The following DGAT2L6 variants were observed in gnomAD, a reference collection of about 807,000 sequenced individuals.
DGAT2L6 encodes diacylglycerol O-acyltransferase 2-like protein 6.
DGAT2L6 carries 22 observed loss-of-function variants against 25.5 expected under a neutral mutation model. That is an observed-to-expected ratio of 0.86 (90% CI 0.62 to 1.23). The LOEUF is 1.23. Among genes scored for constraint, DGAT2L6 ranks in the 50% most tolerant of loss-of-function variants. DGAT2L6 has a pLI of 0.00. For missense variants in DGAT2L6, 287 were observed against 253.2 expected (o/e 1.13, Z -0.91); for synonymous variants, 100 against 94.7 (o/e 1.06, Z -0.32).
At chrX:70,182,469 CTT>C (rs1171530335) in intron 1 of DGAT2L6, among the ~76,000 whole-genome samples, 2 of 49,143 alleles carry the variant, frequency 4.1e-5, no homozygotes, top group African/African-American at 1.0e-4. Context: ...TCAAAAGCAT[CTT>C]TTTTTTTTTT....
chrX:70,179,112 G>A (rs2085335412), intron 1 of DGAT2L6, among the ~76,000 whole-genome samples: 1 of 111,953 alleles, frequency 8.9e-6, no homozygotes, highest in African/African-American at 3.2e-5. Context: ...ATTATTCAGA[G>A]AAAGGGTCCA....
At chrX:70,201,612 G>A (rs1312259473) in intron 4 of DGAT2L6, among the ~76,000 whole-genome samples, 1 of 110,545 alleles carries the variant, frequency 9.0e-6, no homozygotes, top group Non-Finnish European at 1.9e-5. Flanking sequence ...AGATACTATT[G>A]ATCTGAAATG....
intron 6 of DGAT2L6, 70 bp downstream of exon 6, chrX:70,204,586 A>G: frequency 8.9e-7 from 1 of 1,129,638 alleles, no homozygotes; most frequent in East Asian, 3.0e-5. Flanking sequence ...ATCATCCATC[A>G]AGTCCAGGGG....
At position 70,199,356 on chromosome X, in the gene DGAT2L6, C is replaced by T. The variant is rs143519268; in HGVS notation, c.171C>T (p.Thr57=). Residue 57 remains threonine (T), a synonymous_variant, in exon 2 of 7, where the codon ACC becomes ACT. Transcript: ENST00000333026. ...PLAVLSLAWL[T]YDWNTHSQGG... ...CTGTGCTCTCCTTAGCCTGGCTCAC[C>T]TATGATTGGAACACCCACAGTCAAG... The T allele has an allele frequency of 9.0e-5, 107 of 1,187,557 alleles. No homozygotes were observed. Among genetic ancestry groups the T allele is most frequent in the Non-Finnish European group, 1.2e-5 (11 of 882,244 alleles).
Position 70,205,059 on chromosome X carries a change from A to G in DGAT2L6, c.967A>G (p.Lys323Glu), listed in dbSNP as rs1343721692. ...CCTGCGCAAGCTCTTTGACCAACAC[A>G]AAGTTGAATATGGCCTCCCTGAGAC... Reference protein sequence around the residue: ...SALRKLFDQHKVEYGLPETQE... With the variant: ...SALRKLFDQHEVEYGLPETQE... Residue 323 changes from lysine to glutamate, a missense_variant, in exon 7 of 7, where the codon AAA becomes GAA. Physicochemically the swap from Lys to Glu is moderately conservative, Grantham distance 56 (BLOSUM62 1). Transcript: ENST00000333026. 8.3e-7 allele frequency: 1 copy of G among 1,204,350 alleles called. No homozygotes were observed. Among genetic ancestry groups the G allele is most frequent in the South Asian group, 1.8e-5 (1 of 54,480 alleles).
chrX:70,179,467 A>G (rs1341108273), intron 1 of DGAT2L6, among the ~76,000 whole-genome samples: 1 of 108,972 alleles, frequency 9.2e-6, no homozygotes, highest in Non-Finnish European at 1.9e-5. Context: ...TGGGGCAGAG[A>G]GAGCAGGGGA....
intron 1 of DGAT2L6, among the ~76,000 whole-genome samples, chrX:70,180,188 C>T (rs1052503107): frequency 3.6e-5 from 4 of 111,279 alleles, no homozygotes; most frequent in Non-Finnish European, 7.5e-5. Context: ...CGGTGGCTCA[C>T]GCCTGTAATC....
rs1269220049 is a variant in DGAT2L6 at position 70,202,069 on chromosome X, G to C, written c.647+5G>C. The stretch of plus-strand genomic sequence containing the variant: ...GAAGATGGCACTGCAAACAGGGTGG[G>C]TTCCAAGGTTCTAGTGCTCTGTTGT... On this transcript the variant is annotated splice_donor_5th_base_variant and intron_variant, in intron 5 of 6. Coordinates refer to ENST00000333026, the MANE Select transcript of DGAT2L6 (RefSeq NM_198512.3). The C allele has an allele frequency of 4.3e-6, 5 of 1,174,672 alleles. No homozygotes were observed. In the African/African-American group the frequency reaches 7.1e-5, roughly 17 times the overall value.
chrX:70,194,361 C>A (rs759923653), intron 1 of DGAT2L6, among the ~76,000 whole-genome samples: 2 of 111,502 alleles, frequency 1.8e-5, no homozygotes, highest in Admixed American at 1.9e-4. Context: ...ATGAAAATTC[C>A]AATGACATTT....
intron 3 of DGAT2L6, 53 bp from the exon 4 acceptor site, chrX:70,200,202 G>T (rs1001849196): frequency 2.0e-5 from 23 of 1,136,503 alleles, no homozygotes; most frequent in Admixed American, 6.6e-5. Flanking sequence ...TAGTCCACAC[G>T]TGGTTTCTTC....
chrX:70,202,515 A>G (rs1226139956), intron 5 of DGAT2L6, among the ~76,000 whole-genome samples: 1 of 112,230 alleles, frequency 8.9e-6, no homozygotes, highest in Admixed American at 9.4e-5. Context: ...CACCCACTGT[A>G]TATCAGGCAT....
intron 2 of DGAT2L6, 49 bp downstream of exon 2, chrX:70,199,430 G>A: frequency 1.0e-6 from 1 of 989,867 alleles, no homozygotes; most frequent in Non-Finnish European, 1.4e-6. Flanking sequence ...AAGAATGGAA[G>A]GACAGGGAGA....
At chrX:70,184,444 T>C (rs1253406184) in intron 1 of DGAT2L6, among the ~76,000 whole-genome samples, 1 of 108,810 alleles carries the variant, frequency 9.2e-6, no homozygotes, top group Non-Finnish European at 1.9e-5. Context: ...GATACAGGCT[T>C]TTTCTTTTTC....
At chrX:70,194,938 C>T (rs1321011773) in intron 1 of DGAT2L6, among the ~76,000 whole-genome samples, 1 of 111,624 alleles carries the variant, frequency 9.0e-6, no homozygotes, top group East Asian at 2.8e-4. Context: ...AAACAATCAA[C>T]AAAATGAAAA....
At chrX:70,188,603 G>T (rs1383017216) in intron 1 of DGAT2L6, among the ~76,000 whole-genome samples, 1 of 110,749 alleles carries the variant, frequency 9.0e-6, no homozygotes, top group Non-Finnish European at 1.9e-5. Flanking sequence ...TTAAGAGAAA[G>T]GAACATTTCC....
At chrX:70,188,271 A>G (rs1284785271) in intron 1 of DGAT2L6, among the ~76,000 whole-genome samples, 2 of 111,657 alleles carry the variant, frequency 1.8e-5, no homozygotes, top group Admixed American at 9.5e-5. Context: ...GTAATGATAA[A>G]TGGGCTGATT....
In DGAT2L6 at chrX:70,199,255, C is replaced by T; in HGVS notation, c.86-16C>T. The T allele has an allele frequency of 9.0e-7, 1 of 1,115,232 alleles. No individual in the cohort carries two copies. Among genetic ancestry groups the T allele is most frequent in the African/African-American group, 1.8e-5 (1 of 55,988 alleles). 91.9% of individuals were successfully genotyped at this position (1,115,232 alleles called of 1,213,427 possible). A position where few individuals can be genotyped will look rare whatever the true frequency, so the allele number is the denominator to read the frequency against. The stretch of plus-strand genomic sequence containing the variant: ...TGAAGGGAACTGAAAGGCTTGAACC[C>T]TTTGTGTCTCCCCAGGAGCTATTCC... On this transcript the variant is annotated splice_polypyrimidine_tract_variant and intron_variant, in intron 1 of 6. Coordinates refer to ENST00000333026, the MANE Select transcript of DGAT2L6 (RefSeq NM_198512.3).
At chrX:70,178,818 AC>A (rs761095566) in intron 1 of DGAT2L6, among the ~76,000 whole-genome samples, 1 of 112,456 alleles carries the variant, frequency 8.9e-6, no homozygotes, top group African/African-American at 3.2e-5. Flanking sequence ...TAGGCAATAA[AC>A]CACGAAGTGT....
chrX:70,196,958 G>A (rs1160411713), intron 1 of DGAT2L6, among the ~76,000 whole-genome samples: 2 of 111,751 alleles, frequency 1.8e-5, no homozygotes, highest in Non-Finnish European at 1.9e-5. Flanking sequence ...CTACCAATGC[G>A]CATATATTAG....
Sources: allele counts gnomAD v4.1 joint callset (sites outside exome capture counted in the v4.1 genomes callset), GRCh38; gene constraint gnomAD v4.1.1; transcripts MANE v1.5; gene names NCBI Gene and HGNC (gene_info 2026-07-23, HGNC 2026-07-21).